PCDHGC3: variants seen among roughly 807,000 people sequenced by gnomAD.
PCDHGC3 encodes the protein protocadherin gamma-C3.
Under a neutral mutation model 59.2 loss-of-function variants are expected in PCDHGC3, and 26 were observed. The observed-to-expected ratio is 0.44, with a 90% CI of 0.32 to 0.61. The LOEUF (loss-of-function observed/expected upper bound fraction) is 0.61, where lower values mean the gene tolerates loss of function less well. Among genes scored for constraint, PCDHGC3 ranks in the 20% least tolerant of loss-of-function variants. PCDHGC3 has a pLI of 0.05. For synonymous variants in PCDHGC3, 487 were observed against 519.7 expected, an observed-to-expected ratio of 0.94 and a Z score of 0.86; for missense variants, 1,080 against 1,221.8, an observed-to-expected ratio of 0.88 and a Z score of 1.73.
chr5:141,511,320 A>G lies in PCDHGC3; in HGVS notation c.*147A>G. ...CATGCTCCCCTTGGGAAACAGAAAC[A>G]AGTGCCCAGTCAGCACCTACCCCTT... On this transcript the variant is annotated 3_prime_UTR_variant, in exon 4 of 4. Transcript: ENST00000308177. 6.8e-7 allele frequency: 1 copy of G among 1,475,678 alleles called. No homozygotes were observed. The highest frequency in any genetic ancestry group is 1.4e-5 in the South Asian group (1 of 72,746). 91.4% of individuals were successfully genotyped at this position (1,475,678 alleles called of 1,614,324 possible).
Position 141,491,756 on chromosome 5 carries a change from C to T in PCDHGC3, c.2431-3051C>T. The T allele has an allele frequency of 1.3e-6, 2 of 1,581,720 alleles. No individual in the cohort carries two copies. Among genetic ancestry groups the T allele is most frequent in the Non-Finnish European group, 8.6e-7 (1 of 1,165,100 alleles). ...CCTGGGGGCGGCACTGGAGAAGCCG[C>T]CCGTCCTCATAAGGGATTGAACTTG... On this transcript the variant is annotated intron_variant, in intron 1 of 3. Coordinates refer to ENST00000308177, the MANE Select transcript of PCDHGC3 (RefSeq NM_002588.4). This position sits in a 1 kb window ranked among gnomAD's most constrained non-coding sequence, Gnocchi z 6.9.
At chr5:141,481,747 T>A (rs1319673737) in intron 1 of PCDHGC3, among the ~76,000 whole-genome samples, 3 of 151,684 alleles carry the variant, frequency 2.0e-5, no homozygotes, top group African/African-American at 7.3e-5. Flanking sequence ...AGGTCAGGAG[T>A]CCAAGACCAG....
At position 141,489,871 on chromosome 5, in the gene PCDHGC3, G is replaced by C; in HGVS notation, c.2431-4936G>C. ...TGAAGCCCAGGCAAGACATCAGCTGGTGCTTACTGCTGTGGATGGGGGGAC... is the reference window on the plus strand; with the variant it reads ...TGAAGCCCAGGCAAGACATCAGCTGCTGCTTACTGCTGTGGATGGGGGGAC... On this transcript the variant is annotated intron_variant, in intron 1 of 3. Coordinates refer to ENST00000308177, the MANE Select transcript of PCDHGC3 (RefSeq NM_002588.4). The surrounding 1 kb of genome is among the most constrained non-coding windows in gnomAD (Gnocchi z 4.5). 1 of 1,614,206 alleles carries C rather than the reference G, an allele frequency of 6.2e-7. No individual in the cohort carries two copies.
At chr5:141,496,838 T>C (rs182118142) in intron 2 of PCDHGC3, among the ~76,000 whole-genome samples, 39 of 150,790 alleles carry the variant, frequency 2.6e-4, no homozygotes, top group African/African-American at 8.3e-4. Flanking sequence ...CCAGAACTCA[T>C]AGGCTTCCAG....
At chr5:141,502,978 G>T (rs1004984942) in intron 2 of PCDHGC3, among the ~76,000 whole-genome samples, 1 of 150,096 alleles carries the variant, frequency 6.7e-6, no homozygotes, top group Non-Finnish European at 1.5e-5. Context: ...CAAGTAGCTG[G>T]GATTACAGGC....
chr5:141,476,318 G>T lies in PCDHGC3; in HGVS notation c.202G>T (p.Val68Leu). 3 of 1,614,202 alleles carry T rather than the reference G, an allele frequency of 1.9e-6. No homozygotes were observed. The highest frequency in any genetic ancestry group is 2.5e-6 in the Non-Finnish European group (3 of 1,180,052). The stretch of plus-strand genomic sequence containing the variant: ...TAGCCTCTCAGCCCGCAGGTTCCGG[G>T]TGGTGTCTGGAGCTAGCCGAAGATT... Reference protein sequence around the residue: ...LGSLSARRFRVVSGASRRFFE... With the variant: ...LGSLSARRFRLVSGASRRFFE... The change falls in exon 1 of 4, where the codon GTG (valine) becomes TTG (leucine). Residue 68 changes from valine to leucine, a missense_variant. Physicochemically the swap from Val to Leu is conservative, Grantham distance 32 (BLOSUM62 1). Transcript: ENST00000308177. This position sits in a 1 kb window ranked among gnomAD's most constrained non-coding sequence, Gnocchi z 7.6.
At chr5:141,507,798 GCCCT>G (rs2099863561) in intron 3 of PCDHGC3, among the ~76,000 whole-genome samples, 1 of 152,188 alleles carries the variant, frequency 6.6e-6, no homozygotes, top group Admixed American at 6.5e-5. Context: ...CTAAGCCTGC[GCCCT>G]GGGGAACGGA....
intron 1 of PCDHGC3, among the ~76,000 whole-genome samples, chr5:141,479,053 A>G (rs534968614): frequency 9.2e-5 from 14 of 152,334 alleles, no homozygotes; most frequent in African/African-American, 3.1e-4. Context: ...TCATTCTCAG[A>G]TAATTTTTTA....
Position 141,489,646 on chromosome 5 carries a change from C to G in PCDHGC3, c.2431-5161C>G, listed in dbSNP as rs1274955075. The G allele has an allele frequency of 1.2e-6, 2 of 1,614,186 alleles. No individual in the cohort carries two copies. Among genetic ancestry groups the G allele is most frequent in the Non-Finnish European group, 1.7e-6 (2 of 1,180,022 alleles). ...TGACAACTCTCCTAGCTTTGCCACC[C>G]CTGAGCGAGAGATGCGCATCTCAGA... On this transcript the variant is annotated intron_variant, in intron 1 of 3. Coordinates refer to ENST00000308177, the MANE Select transcript of PCDHGC3 (RefSeq NM_002588.4). The surrounding 1 kb of genome is among the most constrained non-coding windows in gnomAD (Gnocchi z 4.5).
At chr5:141,481,607 C>A (rs2099540195) in intron 1 of PCDHGC3, among the ~76,000 whole-genome samples, 1 of 152,158 alleles carries the variant, frequency 6.6e-6, no homozygotes, top group Admixed American at 6.5e-5. Flanking sequence ...CACCTGAGGC[C>A]AGGAGTTCAA....
rs1224625072 is a variant in PCDHGC3 at position 141,490,972 on chromosome 5, C to A, written c.2431-3835C>A. On this transcript the variant is annotated intron_variant, in intron 1 of 3. Transcript: ENST00000308177. The surrounding 1 kb of genome is among the most constrained non-coding windows in gnomAD (Gnocchi z 5.4). ...AGACTGGGAACACTCAGCCCCCCAG[C>A]GTCTCCCTCGCTCTGCTCCTCCTGG... is the stretch of plus-strand genomic sequence containing the variant. 2 of 1,613,912 alleles carry A rather than the reference C, an allele frequency of 1.2e-6. No individual in the cohort carries two copies. Among genetic ancestry groups the A allele is most frequent in the Non-Finnish European group, 1.7e-6 (2 of 1,179,922 alleles).
Position 141,477,354 on chromosome 5 carries a change from C to T in PCDHGC3, c.1238C>T (p.Ala413Val), listed in dbSNP as rs1164062950. The change falls in exon 1 of 4, where the codon GCA becomes GTA. Residue 413 changes from alanine to valine, a missense_variant. Coordinates refer to ENST00000308177, the MANE Select transcript of PCDHGC3 (RefSeq NM_002588.4). This position sits in a 1 kb window ranked among gnomAD's most constrained non-coding sequence, Gnocchi z 4.9. The part of the protein sequence containing the change: ...LKNYFTLKTS[A>V]DLDRETVPEY... ...AATTACTTCACTTTGAAAACCAGTG[C>T]AGACCTGGATCGGGAGACTGTGCCA... 14 of 1,614,202 alleles carry T rather than the reference C, an allele frequency of 8.7e-6. No homozygotes were observed. The highest frequency in any genetic ancestry group is 1.1e-5 in the Non-Finnish European group (13 of 1,180,036).
In PCDHGC3 at chr5:141,485,778, G is replaced by A. The variant is rs575586552; in HGVS notation, c.2430+7232G>A. On this transcript the variant is annotated intron_variant, in intron 1 of 3. Coordinates refer to ENST00000308177, the MANE Select transcript of PCDHGC3 (RefSeq NM_002588.4). The surrounding 1 kb of genome is among the most constrained non-coding windows in gnomAD (Gnocchi z 5.7). ...CTGCTCCTGGAGAAGCCTTTGGATC[G>A]AGAGAAGCAATCGGACTACCGCCTG... is the stretch of plus-strand genomic sequence containing the variant. The A allele has an allele frequency of 1.2e-6, 2 of 1,614,216 alleles. No individual in the cohort carries two copies. Among genetic ancestry groups the A allele is most frequent in the Admixed American group, 1.7e-5 (1 of 60,028 alleles).
chr5:141,477,080 A>C lies in PCDHGC3; in HGVS notation c.964A>C (p.Ile322Leu). 1 of 1,614,254 alleles carries C rather than the reference A, an allele frequency of 6.2e-7. No homozygotes were observed. ...GGACACCAAACTCCATGAGATTTAC[A>C]TCCAGGCCAAAGACAAGGGCGCCAA... ...FEDTKLHEIY[I>L]QAKDKGANPE... Residue 322 changes from isoleucine to leucine, a missense_variant, in exon 1 of 4, where the codon ATC (isoleucine) becomes CTC (leucine). By Grantham distance (5) the Ile-to-Leu change is conservative (BLOSUM62 2). Coordinates refer to ENST00000308177, the MANE Select transcript of PCDHGC3 (RefSeq NM_002588.4). This position sits in a 1 kb window ranked among gnomAD's most constrained non-coding sequence, Gnocchi z 4.9.
Position 141,490,849 on chromosome 5 carries a change from C to A in PCDHGC3, c.2431-3958C>A, listed in dbSNP as rs200640560. The A allele has an allele frequency of 6.2e-7, 1 of 1,613,748 alleles. No individual in the cohort carries two copies. Among genetic ancestry groups the A allele is most frequent in the Non-Finnish European group, 8.5e-7 (1 of 1,179,862 alleles). On this transcript the variant is annotated intron_variant, in intron 1 of 3. Coordinates refer to ENST00000308177, the MANE Select transcript of PCDHGC3 (RefSeq NM_002588.4). This position sits in a 1 kb window ranked among gnomAD's most constrained non-coding sequence, Gnocchi z 5.4. ...GATGCTGCAGATTGTGGTGGGGGTT[C>A]GAGACTCCGGCTCTCCCCCATTGCA...
intron 1 of PCDHGC3, among the ~76,000 whole-genome samples, chr5:141,492,559 C>G (rs533830391): frequency 2.0e-5 from 3 of 152,174 alleles, no homozygotes; most frequent in Non-Finnish European, 4.4e-5. Context: ...GCCTGGGGGG[C>G]GGCCTGAGCG....
chr5:141,496,993 C>G (rs981547671), intron 2 of PCDHGC3, among the ~76,000 whole-genome samples: 1 of 151,910 alleles, frequency 6.6e-6, no homozygotes, highest in South Asian at 2.1e-4. Flanking sequence ...TGAGACCAGC[C>G]TGGCAGCCAA....
chr5:141,507,478 C>A (rs933478897), intron 3 of PCDHGC3, among the ~76,000 whole-genome samples: 3 of 152,158 alleles, frequency 2.0e-5, no homozygotes, highest in Non-Finnish European at 4.4e-5. Context: ...GGACTGCTGG[C>A]CTCCTGAGGC....
chr5:141,499,479 C>T (rs1019775735), intron 2 of PCDHGC3, among the ~76,000 whole-genome samples: 1 of 152,146 alleles, frequency 6.6e-6, no homozygotes. Context: ...AGAACCACCA[C>T]CAACTACAGT....
Sources: gnomAD v4.1 joint callset for allele counts (sites outside exome capture counted in the v4.1 genomes callset) on GRCh38, gnomAD v4.1.1 for gene constraint, Gnocchi (gnomAD v3.1) non-coding constraint, MANE v1.5 for transcripts, NCBI Gene and HGNC (gene_info 2026-07-23, HGNC 2026-07-21) for gene names.